The following DSCAM variants were observed in gnomAD, a reference collection of about 807,000 sequenced individuals.
DSCAM encodes DS cell adhesion molecule, also known as cell adhesion molecule DSCAM.
Under a neutral mutation model 217.7 loss-of-function variants are expected in DSCAM, and 47 were observed. The observed-to-expected ratio is 0.22, with a 90% CI of 0.17 to 0.28. The LOEUF (loss-of-function observed/expected upper bound fraction) is 0.28. Among genes scored for constraint, DSCAM ranks in the 10% least tolerant of loss-of-function variants. The pLI is 1.00. For missense variants in DSCAM, 2,080 were observed against 2,618.3 expected (o/e 0.79, Z 4.49); for synonymous variants, 1,056 against 1,015.3 (o/e 1.04, Z -0.76).
intron 1 of DSCAM, among the ~76,000 whole-genome samples, chr21:40,801,646 G>C (rs948349437): frequency 6.6e-6 from 1 of 152,148 alleles, no homozygotes; most frequent in Non-Finnish European, 1.5e-5. Context: ...ACTCCAGAAC[G>C]GTGCTCCACA....
chr21:40,809,255 T>C (rs1293940052), intron 1 of DSCAM, among the ~76,000 whole-genome samples: 1 of 151,782 alleles, frequency 6.6e-6, no homozygotes, highest in Non-Finnish European at 1.5e-5. Flanking sequence ...CTCATAAGAC[T>C]GGACAAGGGG....
intron 11 of DSCAM, among the ~76,000 whole-genome samples, chr21:40,241,847 G>T (rs2073157375): frequency 1.3e-5 from 2 of 152,198 alleles, no homozygotes; most frequent in African/African-American, 4.8e-5. Flanking sequence ...TCTTTTGTAG[G>T]GACATCGATG....
intron 19 of DSCAM, among the ~76,000 whole-genome samples, chr21:40,129,637 C>G (rs1235679028): frequency 6.6e-6 from 1 of 152,204 alleles, no homozygotes; most frequent in Non-Finnish European, 1.5e-5. Flanking sequence ...TGTCGTGTTG[C>G]TGGTATACCT....
intron 3 of DSCAM, among the ~76,000 whole-genome samples, chr21:40,610,007 G>A (rs2089291943): frequency 6.6e-6 from 1 of 152,206 alleles, no homozygotes; most frequent in East Asian, 1.9e-4. Context: ...CTGCCTCATA[G>A]GGAGACGGAC....
intron 14 of DSCAM, among the ~76,000 whole-genome samples, chr21:40,182,585 A>AG (rs2090822664): frequency 2.2e-5 from 2 of 91,460 alleles, no homozygotes. Flanking sequence ...AACTGTGGAC[A>AG]GGAGGGGCCA....
chr21:40,369,891 C>T (rs2074876720), intron 3 of DSCAM, among the ~76,000 whole-genome samples: 1 of 152,124 alleles, frequency 6.6e-6, no homozygotes, highest in Admixed American at 6.6e-5. Flanking sequence ...TTCTTAATCA[C>T]TAATTTTTAA....
intron 3 of DSCAM, among the ~76,000 whole-genome samples, chr21:40,566,727 G>A (rs2146196207): frequency 6.6e-6 from 1 of 152,236 alleles, no homozygotes; most frequent in African/African-American, 2.4e-5. Flanking sequence ...CTGCTAGGAA[G>A]AGAAGTAAAT....
At chr21:40,439,736 G>A (rs2057350615) in intron 3 of DSCAM, among the ~76,000 whole-genome samples, 1 of 152,212 alleles carries the variant, frequency 6.6e-6, no homozygotes, top group African/African-American at 2.4e-5. Context: ...GGAGGAGCAA[G>A]TCATGTCTTA....
At chr21:40,166,354 G>A (rs1056159936) in intron 16 of DSCAM, among the ~76,000 whole-genome samples, 1 of 152,194 alleles carries the variant, frequency 6.6e-6, no homozygotes, top group African/African-American at 2.4e-5. Context: ...TTAATGCAAT[G>A]TTACAGAACT....
At chr21:40,093,249 G>A (rs115449739) in intron 21 of DSCAM, among the ~76,000 whole-genome samples, 2,000 of 152,254 alleles carry the variant, frequency 0.013, 41 homozygotes, top group African/African-American at 0.046. Flanking sequence ...TTATTCTTTG[G>A]TGACTCCTAC....
chr21:40,691,262 G>A (rs927547872), intron 3 of DSCAM, among the ~76,000 whole-genome samples: 6 of 152,338 alleles, frequency 3.9e-5, no homozygotes, highest in East Asian at 1.9e-4. Flanking sequence ...CTAAGAAGGC[G>A]TTTGTAATTC....
intron 3 of DSCAM, among the ~76,000 whole-genome samples, chr21:40,385,704 G>T (rs1482795623): frequency 6.6e-6 from 1 of 152,168 alleles, no homozygotes; most frequent in African/African-American, 2.4e-5. Context: ...ACTGCAGACA[G>T]GCTGTGTGCC....
chr21:40,838,004 C>T (rs549356953), intron 1 of DSCAM, among the ~76,000 whole-genome samples: 1 of 152,296 alleles, frequency 6.6e-6, no homozygotes, highest in Non-Finnish European at 1.5e-5. Flanking sequence ...AATCACACCA[C>T]AGCGGGGCTA....
At chr21:40,652,347 CAAAAAA>C (rs56384103) in intron 3 of DSCAM, among the ~76,000 whole-genome samples, 12 of 142,686 alleles carry the variant, frequency 8.4e-5, no homozygotes, top group South Asian at 2.2e-4. Flanking sequence ...ACAACAACAA[CAAAAAA>C]AAAAAAAAAC....
At chr21:40,553,281 T>C (rs1409983735) in intron 3 of DSCAM, among the ~76,000 whole-genome samples, 2 of 152,230 alleles carry the variant, frequency 1.3e-5, no homozygotes, top group African/African-American at 2.4e-5. Context: ...CTTTTATGCC[T>C]TGGAAAGGGC....
intron 8 of DSCAM, among the ~76,000 whole-genome samples, chr21:40,321,956 G>A (rs775549189): frequency 6.6e-6 from 1 of 152,078 alleles, no homozygotes; most frequent in Non-Finnish European, 1.5e-5. Context: ...ACCGTTTCAG[G>A]CGCTAGACCC....
chr21:40,100,390 A>G (rs1302616593), intron 20 of DSCAM, among the ~76,000 whole-genome samples: 11 of 152,150 alleles, frequency 7.2e-5, no homozygotes, highest in Non-Finnish European at 1.5e-5. Flanking sequence ...ATTTCCCTCC[A>G]TATTTTATTA....
At chr21:40,756,201 A>C (rs534173891) in intron 1 of DSCAM, among the ~76,000 whole-genome samples, 4 of 152,022 alleles carry the variant, frequency 2.6e-5, no homozygotes, top group East Asian at 1.9e-4. Context: ...GTTATTTGAA[A>C]GTTTGTGGCA....
At chr21:40,069,119 A>T (rs2146532287) in intron 27 of DSCAM, among the ~76,000 whole-genome samples, 1 of 152,186 alleles carries the variant, frequency 6.6e-6, no homozygotes, top group East Asian at 1.9e-4. Flanking sequence ...AAAAGAAAGA[A>T]AATTGGGGCA....
Sources: allele counts gnomAD v4.1 joint callset (sites outside exome capture counted in the v4.1 genomes callset), GRCh38; gene constraint gnomAD v4.1.1; transcripts MANE v1.5; gene names NCBI Gene and HGNC (gene_info 2026-07-23, HGNC 2026-07-21).